RYR2: variants seen among roughly 807,000 people sequenced by gnomAD.
The protein encoded by RYR2 is cardiac muscle ryanodine receptor-calcium release channel.
Under a neutral mutation model 601.1 loss-of-function variants are expected in RYR2, and 227 were observed. The ratio of observed to expected loss-of-function variants is 0.38; its 90% CI spans 0.34 to 0.42. The LOEUF (loss-of-function observed/expected upper bound fraction) is 0.42. Among genes scored for constraint, RYR2 ranks in the 10% least tolerant of loss-of-function variants. RYR2 has a pLI of 1.00. For missense variants in RYR2, 4,646 were observed against 6,156.5 expected (o/e 0.75, Z 8.21); for synonymous variants, 2,223 against 2,175.1 (o/e 1.02, Z -0.61).
At chr1:237,787,819 C>A in intron 91 of RYR2, 169 bp from the exon 92 acceptor site, 1 of 651,738 alleles carries the variant, frequency 1.5e-6, no homozygotes, top group Non-Finnish European at 2.6e-6. Flanking sequence ...AACAGAAAAT[C>A]CTACCCCTGA....
Position 237,351,854 on chromosome 1 carries a change from CAAAA to C in RYR2, c.274-4090_274-4087del, listed in dbSNP as rs33955032. ...ATCCTAAACTATGACAAAGACCATG[CAAAA>C]AAAAAAAAAAAAAAAAAAAAGGTAT... On this transcript the variant is annotated intron_variant, in intron 3 of 104. Transcript: ENST00000366574. Among the ~76,000 whole-genome samples, 163 of 40,952 alleles carry C rather than the reference CAAAA, an allele frequency of 4.0e-3. 1 individual carries two copies. Among genetic ancestry groups the C allele is most frequent in the African/African-American group, 0.012 (139 of 11,446 alleles). The allele number at this position is 40,952 out of a possible 152,430, so 26.9% of individuals were successfully genotyped here.
At chr1:237,251,411 C>A (rs905129040) in intron 1 of RYR2, among the ~76,000 whole-genome samples, 1 of 152,194 alleles carries the variant, frequency 6.6e-6, no homozygotes, top group African/African-American at 2.4e-5. Context: ...CAATTCTAAA[C>A]TGCCTTCTCA....
At chr1:237,659,210 A>G (rs1683539711) in intron 54 of RYR2, among the ~76,000 whole-genome samples, 1 of 152,050 alleles carries the variant, frequency 6.6e-6, no homozygotes, top group Non-Finnish European at 1.5e-5. Context: ...CCTCTAAGAA[A>G]CCCTTTTTTG....
intron 1 of RYR2, among the ~76,000 whole-genome samples, chr1:237,191,630 C>G (rs991767583): frequency 3.9e-5 from 6 of 152,120 alleles, no homozygotes; most frequent in Admixed American, 3.3e-4. Flanking sequence ...AAGAACGGCA[C>G]AATCAAACCG....
chr1:237,071,631 G>C (rs1664339475), intron 1 of RYR2, among the ~76,000 whole-genome samples: 1 of 152,136 alleles, frequency 6.6e-6, no homozygotes, highest in Admixed American at 6.5e-5. Context: ...CTCTGTGTTG[G>C]GGATTCCACT....
intron 3 of RYR2, chr1:237,341,776 TTTG>T (rs1161999929): frequency 4.6e-6 from 2 of 435,480 alleles, no homozygotes; most frequent in East Asian, 1.4e-4. Context: ...ATAGAGCTTT[TTTG>T]TCTGTTAAAT....
intron 16 of RYR2, 21 bp downstream of exon 16, chr1:237,456,756 C>G: frequency 6.2e-7 from 1 of 1,611,978 alleles, no homozygotes; most frequent in Non-Finnish European, 8.5e-7. Context: ...TGATTGGGTT[C>G]ATAGCAACAG....
chr1:237,065,791 T>C lies in RYR2; in HGVS notation c.48+23222T>C, dbSNP rs372280742. ...AATTGGCTCATGGTTCCACAGGCTA[T>C]ACAGGAAACATGACAGTTTCTGGGG... On this transcript the variant is annotated intron_variant, in intron 1 of 104. Transcript: ENST00000366574. Among the ~76,000 whole-genome samples, 69 of 152,336 alleles carry C rather than the reference T, an allele frequency of 4.5e-4. No individual in the cohort carries two copies. In the South Asian group the frequency reaches 0.014, roughly 31 times the overall value.
At chr1:237,145,671 T>G (rs186343283) in intron 1 of RYR2, among the ~76,000 whole-genome samples, 61 of 152,306 alleles carry the variant, frequency 4.0e-4, no homozygotes, top group African/African-American at 1.5e-3. Context: ...AGACCTACTA[T>G]ACCCATAAAC....
chr1:237,235,333 G>C (rs376231294), intron 1 of RYR2, among the ~76,000 whole-genome samples: 83 of 152,302 alleles, frequency 5.4e-4, no homozygotes, highest in South Asian at 2.9e-3. Context: ...CTAGCCTCTC[G>C]AGAGCAGCCC....
chr1:237,702,000 T>C lies in RYR2; in HGVS notation c.9390T>C (p.Cys3130=). 6.2e-7 allele frequency: 1 copy of C among 1,606,194 alleles called. No individual in the cohort carries two copies. The highest frequency in any genetic ancestry group is 1.1e-5 in the South Asian group (1 of 90,822). The change falls in exon 66 of 105, where the codon TGT becomes TGC. Residue 3130 remains cysteine (C), a synonymous_variant. Coordinates refer to ENST00000366574, the MANE Select transcript of RYR2 (RefSeq NM_001035.3). ...DLILEDVQVS[C]YRILTSLYAL... is the part of the protein sequence containing the mutation. ...TAGTGGAAGATGTCCAGGTGTCTTG[T>C]TATAGAATTCTGACTAGCTTATATG...
At chr1:237,344,045 A>G (rs904660617) in intron 3 of RYR2, among the ~76,000 whole-genome samples, 7 of 151,194 alleles carry the variant, frequency 4.6e-5, no homozygotes, top group Non-Finnish European at 1.0e-4. Flanking sequence ...CTGGTCTCGA[A>G]CTCCTTACCT....
chr1:237,079,762 G>T (rs1665399533), intron 1 of RYR2, among the ~76,000 whole-genome samples: 1 of 142,870 alleles, frequency 7.0e-6, no homozygotes, highest in African/African-American at 3.0e-5. Flanking sequence ...TTTCTTCACA[G>T]AATTGGAAAA....
chr1:237,761,651 G>A (rs1300278957), intron 84 of RYR2, among the ~76,000 whole-genome samples: 2 of 152,148 alleles, frequency 1.3e-5, no homozygotes, highest in African/African-American at 4.8e-5. Context: ...AGAAAGTTTA[G>A]CATACAATGC....
chr1:237,307,728 G>T lies in RYR2; in HGVS notation c.169-23150G>T, dbSNP rs566022890. On this transcript the variant is annotated intron_variant, in intron 2 of 104. Coordinates refer to ENST00000366574, the MANE Select transcript of RYR2 (RefSeq NM_001035.3). ...TATTTATGTAGATCCTGAAAATTAT[G>T]GCTCTCAGGCCTAAACCCAGTTTAT... Among the ~76,000 whole-genome samples the T allele has an allele frequency of 6.1e-4, 93 of 152,228 alleles. No individual in the cohort carries two copies. In the Middle Eastern group the frequency reaches 0.01, roughly 17 times the overall value.
At chr1:237,616,673 C>T (rs920641750) in intron 37 of RYR2, among the ~76,000 whole-genome samples, 2 of 152,106 alleles carry the variant, frequency 1.3e-5, no homozygotes, top group African/African-American at 4.8e-5. Context: ...ATTTCATTGG[C>T]CATTGCACCT....
Position 237,194,228 on chromosome 1 carries a change from G to C in RYR2, c.49-76269G>C, listed in dbSNP as rs566341234. ...CTACTGATTTCCTTTTCTTATCCTG[G>C]ACATTCAGGGCTGGCTTGGAGAGAC... On this transcript the variant is annotated intron_variant, in intron 1 of 104. Transcript: ENST00000366574. Among the ~76,000 whole-genome samples the C allele has an allele frequency of 9.9e-5, 15 of 152,246 alleles. No homozygotes were observed. The East Asian group carries it at 1.7e-3, about 18-fold the overall frequency.
chr1:237,369,719 T>C (rs1700491118), intron 6 of RYR2, 111 bp downstream of exon 6: 3 of 834,142 alleles, frequency 3.6e-6, no homozygotes, highest in Non-Finnish European at 5.7e-6. Context: ...TGAGCTTGGA[T>C]GTTTGTGTTC....
At chr1:237,292,966 C>T (rs1441508299) in intron 2 of RYR2, among the ~76,000 whole-genome samples, 1 of 151,980 alleles carries the variant, frequency 6.6e-6, no homozygotes, top group Non-Finnish European at 1.5e-5. Flanking sequence ...AGTCAGGGTT[C>T]CAGAGTTCTG....
Sources: allele counts gnomAD v4.1 joint callset (sites outside exome capture counted in the v4.1 genomes callset), GRCh38; gene constraint gnomAD v4.1.1; transcripts MANE v1.5; gene names NCBI Gene and HGNC (gene_info 2026-07-23, HGNC 2026-07-21).